PGM5: variants seen among roughly 807,000 people sequenced by gnomAD.
The protein encoded by PGM5 is phosphoglucomutase-like protein 5.
In PGM5, 23 loss-of-function variants were observed where a neutral mutation model predicts 59.2. The ratio of observed to expected loss-of-function variants is 0.39; its 90% confidence interval spans 0.28 to 0.55. The LOEUF (loss-of-function observed/expected upper bound fraction) is 0.55, where lower values mean the gene tolerates loss of function less well. Among genes scored for constraint, PGM5 ranks in the 20% least tolerant of loss-of-function variants. PGM5 has a pLI of 0.66. For synonymous variants in PGM5, 214 were observed against 286.0 expected (o/e 0.75, Z 2.54); for missense variants, 574 against 748.3 (o/e 0.77, Z 2.72).
At chr9:68,515,594 T>C (rs1824812932) in intron 10 of PGM5, among the ~76,000 whole-genome samples, 2 of 152,184 alleles carry the variant, frequency 1.3e-5, no homozygotes, top group Non-Finnish European at 2.9e-5. Flanking sequence ...ATAGGGCCTG[T>C]TGCACACAAA....
chr9:68,423,450 A>G (rs1238935599), intron 6 of PGM5, among the ~76,000 whole-genome samples: 1 of 152,218 alleles, frequency 6.6e-6, no homozygotes, highest in Non-Finnish European at 1.5e-5. Flanking sequence ...AGAACACACA[A>G]GAACCTGAAT....
intron 1 of PGM5, among the ~76,000 whole-genome samples, chr9:68,366,999 T>C (rs1230489606): frequency 6.6e-6 from 1 of 152,104 alleles, no homozygotes; most frequent in Non-Finnish European, 1.5e-5. Flanking sequence ...TCCTCTTGAC[T>C]TTTGGCATTT....
chr9:68,513,499 T>A (rs1359392053), intron 10 of PGM5, among the ~76,000 whole-genome samples: 1 of 152,204 alleles, frequency 6.6e-6, no homozygotes, highest in East Asian at 1.9e-4. Flanking sequence ...TGAGCCCTGG[T>A]GAATTCTTAC....
At chr9:68,527,582 G>A (rs1464402509) in intron 10 of PGM5, among the ~76,000 whole-genome samples, 1 of 152,210 alleles carries the variant, frequency 6.6e-6, no homozygotes, top group African/African-American at 2.4e-5. Context: ...CTGGCAAAAT[G>A]TGCCAGTGTA....
At chr9:68,482,602 C>G (rs1001187528) in intron 8 of PGM5, among the ~76,000 whole-genome samples, 1 of 152,196 alleles carries the variant, frequency 6.6e-6, no homozygotes, top group Non-Finnish European at 1.5e-5. Context: ...TCTTCCAGTT[C>G]ACTCTGAGAA....
chr9:68,425,458 GAGA>G (rs1823219384), intron 6 of PGM5, among the ~76,000 whole-genome samples: 1 of 152,132 alleles, frequency 6.6e-6, no homozygotes, highest in Non-Finnish European at 1.5e-5. Flanking sequence ...ATGTACATTA[GAGA>G]AGATTGACTT....
intron 6 of PGM5, among the ~76,000 whole-genome samples, chr9:68,410,327 G>T (rs1554681521): frequency 6.6e-6 from 1 of 152,194 alleles, no homozygotes; most frequent in African/African-American, 2.4e-5. Flanking sequence ...CTAAAAATGA[G>T]GGGTTGTCTT....
chr9:68,368,661 T>C (rs1834726807), intron 1 of PGM5, among the ~76,000 whole-genome samples: 1 of 152,258 alleles, frequency 6.6e-6, no homozygotes, highest in African/African-American at 2.4e-5. Context: ...TTTTTCTTTT[T>C]TGAAACAGGT....
intron 6 of PGM5, among the ~76,000 whole-genome samples, chr9:68,415,449 G>A (rs1250776399): frequency 5.4e-5 from 8 of 147,394 alleles, no homozygotes; most frequent in Admixed American, 4.6e-4. Flanking sequence ...TACAGTCAAG[G>A]GGATTCAAAG....
At chr9:68,466,118 A>G (rs1554685781) in intron 7 of PGM5, 4 of 1,291,810 alleles carry the variant, frequency 3.1e-6, no homozygotes, top group Non-Finnish European at 4.1e-6. Flanking sequence ...TCTTACATTC[A>G]TTTTTCTGAT....
intron 10 of PGM5, among the ~76,000 whole-genome samples, chr9:68,503,563 A>C (rs1824611009): frequency 6.6e-6 from 1 of 152,202 alleles, no homozygotes; most frequent in African/African-American, 2.4e-5. Flanking sequence ...GAAAGATAAT[A>C]ATTGTAATTA....
chr9:68,371,254 T>A (rs1158056151), intron 1 of PGM5, among the ~76,000 whole-genome samples: 2 of 152,226 alleles, frequency 1.3e-5, no homozygotes, highest in African/African-American at 4.8e-5. Context: ...ATGCCATGGC[T>A]TGGTCCTCCC....
intron 6 of PGM5, among the ~76,000 whole-genome samples, chr9:68,456,161 A>G (rs1012907531): frequency 5.3e-5 from 8 of 152,230 alleles, no homozygotes; most frequent in Non-Finnish European, 1.2e-4. Flanking sequence ...GGGCATGATC[A>G]AGTCTACTAG....
intron 6 of PGM5, among the ~76,000 whole-genome samples, chr9:68,433,323 CA>C (rs1476508142): frequency 6.6e-6 from 1 of 152,180 alleles, no homozygotes; most frequent in Non-Finnish European, 1.5e-5. Flanking sequence ...TCCAATGTCC[CA>C]TGAGCCTTTA....
chr9:68,465,285 T>C, intron 7 of PGM5, 77 bp downstream of exon 7: 1 of 949,014 alleles, frequency 1.1e-6, no homozygotes, highest in South Asian at 1.4e-5. Context: ...ATCTGTGAAC[T>C]TTCTGTGAAT....
intron 6 of PGM5, among the ~76,000 whole-genome samples, chr9:68,416,151 T>C (rs1554681960): frequency 2.0e-5 from 3 of 152,194 alleles, no homozygotes. Flanking sequence ...TATCTGATTA[T>C]TGGTTAGCCA....
chr9:68,406,155 G>T (rs1445415354), intron 6 of PGM5: 3 of 152,108 alleles, frequency 2.0e-5, no homozygotes, highest in Non-Finnish European at 4.4e-5. Flanking sequence ...CAGACTACCT[G>T]GGGTTGAATT....
At chr9:68,524,414 A>G (rs1367918853) in intron 10 of PGM5, among the ~76,000 whole-genome samples, 1 of 152,160 alleles carries the variant, frequency 6.6e-6, no homozygotes, top group Non-Finnish European at 1.5e-5. Context: ...CTTGGTTTGG[A>G]GCAAGATAAG....
chr9:68,527,762 CT>C (rs1169155272), intron 10 of PGM5, among the ~76,000 whole-genome samples: 3 of 152,194 alleles, frequency 2.0e-5, no homozygotes, highest in African/African-American at 7.2e-5. Context: ...ATCTAGCCAT[CT>C]TCATAGAGTA....
Sources: gnomAD v4.1 joint callset for allele counts (sites outside exome capture counted in the v4.1 genomes callset) on GRCh38, gnomAD v4.1.1 for gene constraint, MANE v1.5 for transcripts, NCBI Gene and HGNC (gene_info 2026-07-23, HGNC 2026-07-21) for gene names.